The following CHN2 variants were observed in gnomAD, a reference collection of about 807,000 sequenced individuals.
The protein encoded by CHN2 is chimerin 2, also known as beta-chimaerin.
CHN2 carries 35 observed loss-of-function variants against 56.3 expected under a neutral mutation model. The observed-to-expected ratio is 0.62, with a 90% CI of 0.47 to 0.82. The LOEUF is 0.82. CHN2 is among the 40% of genes least tolerant of loss of function. The pLI, the probability that CHN2 is intolerant of heterozygous loss-of-function variation, is 0.00. For synonymous variants in CHN2, 210 were observed against 212.8 expected, an observed-to-expected ratio of 0.99 and a Z score of 0.12; for missense variants, 491 against 580.5, an observed-to-expected ratio of 0.85 and a Z score of 1.58.
chr7:29,351,429 G>A (rs1450669294), intron 1 of CHN2, among the ~76,000 whole-genome samples: 1 of 152,192 alleles, frequency 6.6e-6, no homozygotes, highest in Non-Finnish European at 1.5e-5. Context: ...GGCTAATAGA[G>A]GATGAGAGCA....
intron 2 of CHN2, among the ~76,000 whole-genome samples, chr7:29,170,979 C>T (rs1171942227): frequency 6.6e-6 from 1 of 152,136 alleles, no homozygotes; most frequent in East Asian, 1.9e-4. Flanking sequence ...CCACGGGGTC[C>T]CTCCCACAAC....
At chr7:29,345,233 A>G (rs1216608688) in intron 1 of CHN2, among the ~76,000 whole-genome samples, 1 of 152,248 alleles carries the variant, frequency 6.6e-6, no homozygotes, top group African/African-American at 2.4e-5. Context: ...CCAACAGGCT[A>G]AGGCTGACCC....
At chr7:29,465,448 C>T (rs1785481851) in intron 6 of CHN2, among the ~76,000 whole-genome samples, 1 of 152,184 alleles carries the variant, frequency 6.6e-6, no homozygotes, top group Non-Finnish European at 1.5e-5. Flanking sequence ...CAATATCCAA[C>T]TTACAACTTA....
At chr7:29,489,584 A>G (rs926919997) in intron 7 of CHN2, among the ~76,000 whole-genome samples, 20 of 152,228 alleles carry the variant, frequency 1.3e-4, no homozygotes, top group African/African-American at 4.6e-4. Flanking sequence ...TGAACAATAT[A>G]TCGGTCGTGA....
At chr7:29,207,818 G>A (rs1334068061) in intron 1 of CHN2, among the ~76,000 whole-genome samples, 2 of 152,054 alleles carry the variant, frequency 1.3e-5, no homozygotes, top group African/African-American at 2.4e-5. Context: ...AACAGATCAC[G>A]GTATTGTACT....
intron 2 of CHN2, among the ~76,000 whole-genome samples, chr7:29,178,856 G>A (rs1180564612): frequency 6.6e-6 from 1 of 152,138 alleles, no homozygotes; most frequent in Non-Finnish European, 1.5e-5. Flanking sequence ...AAATGGGTTT[G>A]CCACAAATTT....
In CHN2 at chr7:29,471,292, G is replaced by A. The variant is rs181633931; in HGVS notation, c.577-8987G>A. On this transcript the variant is annotated intron_variant, in intron 6 of 12. Coordinates refer to ENST00000222792, the MANE Select transcript of CHN2 (RefSeq NM_004067.4). ...ATAACAATGACGTGTTGAAATGCGCGAGATCCTTAATGCAACACAAAGTCT... is the reference window on the plus strand; with the variant it reads ...ATAACAATGACGTGTTGAAATGCGCAAGATCCTTAATGCAACACAAAGTCT... Among the ~76,000 whole-genome samples the A allele has an allele frequency of 3.6e-3, 551 of 152,252 alleles. 3 individuals carry two copies. Among genetic ancestry groups the A allele is most frequent in the African/African-American group, 0.013 (528 of 41,554 alleles).
intron 7 of CHN2, among the ~76,000 whole-genome samples, chr7:29,486,352 G>C (rs1042267011): frequency 2.0e-5 from 3 of 152,184 alleles, no homozygotes; most frequent in African/African-American, 7.2e-5. Context: ...TGCGGCTTGT[G>C]TGTTGTATGC....
intron 1 of CHN2, among the ~76,000 whole-genome samples, chr7:29,304,811 G>A (rs1159390324): frequency 6.6e-6 from 1 of 152,156 alleles, no homozygotes; most frequent in Non-Finnish European, 1.5e-5. Flanking sequence ...GGCTTCAGCT[G>A]GACCTCTTGA....
At chr7:29,386,337 T>A (rs1800914126) in intron 3 of CHN2, among the ~76,000 whole-genome samples, 1 of 152,206 alleles carries the variant, frequency 6.6e-6, no homozygotes, top group Non-Finnish European at 1.5e-5. Context: ...AATCCCCCCA[T>A]CAAAAGCCTT....
At chr7:29,297,231 G>T (rs575447652) in intron 1 of CHN2, among the ~76,000 whole-genome samples, 2 of 152,312 alleles carry the variant, frequency 1.3e-5, no homozygotes, top group South Asian at 2.1e-4. Flanking sequence ...GAGGGGCCAG[G>T]CTCCTCGCCC....
At chr7:29,422,705 G>T (rs1284480593) in intron 6 of CHN2, among the ~76,000 whole-genome samples, 4 of 152,136 alleles carry the variant, frequency 2.6e-5, no homozygotes, top group Non-Finnish European at 5.9e-5. Flanking sequence ...ATTACCTGTG[G>T]TCAGATAAAT....
Position 29,273,353 on chromosome 7 carries a change from A to G in CHN2, c.49+78363A>G, listed in dbSNP as rs1263878098. 8.5e-4 allele frequency among the ~76,000 whole-genome samples: 54 copies of G among 63,336 alleles called. 2 individuals are homozygous for G. The highest frequency in any genetic ancestry group is 2.5e-3 in the African/African-American group (33 of 13,214). 41.6% of individuals were successfully genotyped at this position (63,336 alleles called of 152,430 possible). A position where few individuals can be genotyped will look rare whatever the true frequency, so the allele number is the denominator to read the frequency against. ...TATATATATATATGTGTATATATAT[A>G]TATATATATATATATATATATATAT... On this transcript the variant is annotated intron_variant, in intron 1 of 12. Transcript: ENST00000222792.
intron 6 of CHN2, among the ~76,000 whole-genome samples, chr7:29,453,871 G>C (rs1422145177): frequency 6.6e-6 from 1 of 152,124 alleles, no homozygotes; most frequent in Non-Finnish European, 1.5e-5. Context: ...CTTTGTACCT[G>C]CTTTTCTGTG....
chr7:29,336,296 G>GT (rs1211744989), intron 1 of CHN2, among the ~76,000 whole-genome samples: 1 of 152,138 alleles, frequency 6.6e-6, no homozygotes, highest in Non-Finnish European at 1.5e-5. Context: ...AATAAAAATG[G>GT]TTAACTATCC....
intron 2 of CHN2, among the ~76,000 whole-genome samples, chr7:29,365,755 G>A (rs963502840): frequency 6.6e-6 from 1 of 152,194 alleles, no homozygotes; most frequent in South Asian, 2.1e-4. Flanking sequence ...AGCATTTAGG[G>A]CATTTGATCT....
At chr7:29,346,327 G>A (rs547828968) in intron 1 of CHN2, among the ~76,000 whole-genome samples, 19 of 151,998 alleles carry the variant, frequency 1.3e-4, no homozygotes, top group Non-Finnish European at 2.6e-4. Context: ...CACTCCTGCT[G>A]TTGTTGTTTG....
chr7:29,376,949 T>TA (rs1800123676), intron 3 of CHN2, among the ~76,000 whole-genome samples: 1 of 152,210 alleles, frequency 6.6e-6, no homozygotes, highest in African/African-American at 2.4e-5. Flanking sequence ...TTTCTGGTAT[T>TA]ATACTTCTAA....
At chr7:29,491,844 ACTT>A (rs1788700377) in intron 7 of CHN2, among the ~76,000 whole-genome samples, 1 of 152,150 alleles carries the variant, frequency 6.6e-6, no homozygotes, top group African/African-American at 2.4e-5. Flanking sequence ...AGAACTTTAG[ACTT>A]CTTCATCCCC....
Sources: gnomAD v4.1 joint callset for allele counts (sites outside exome capture counted in the v4.1 genomes callset) on GRCh38, gnomAD v4.1.1 for gene constraint, MANE v1.5 for transcripts, NCBI Gene and HGNC (gene_info 2026-07-23, HGNC 2026-07-21) for gene names.